SLIT3: variants seen among roughly 807,000 people sequenced by gnomAD.
The protein encoded by SLIT3 is slit guidance ligand 3.
In SLIT3, 68 loss-of-function variants were observed where a neutral mutation model predicts 184.0. The ratio of observed to expected loss-of-function variants is 0.37; its 90% CI spans 0.30 to 0.45. The LOEUF is 0.45. Among genes scored for constraint, SLIT3 ranks in the 20% least tolerant of loss-of-function variants. The pLI is 1.00. For missense variants in SLIT3, 1,707 were observed against 2,026.0 expected (o/e 0.84, Z 3.02); for synonymous variants, 831 against 828.6 (o/e 1.00, Z -0.05).
At chr5:168,748,805 C>T (rs1329252683) in intron 19 of SLIT3, among the ~76,000 whole-genome samples, 1 of 152,116 alleles carries the variant, frequency 6.6e-6, no homozygotes, top group Non-Finnish European at 1.5e-5. Flanking sequence ...ACAGTCCCTC[C>T]GGGGTGTTGA....
intron 12 of SLIT3, among the ~76,000 whole-genome samples, chr5:168,782,559 G>A (rs1756012285): frequency 6.6e-6 from 1 of 152,184 alleles, no homozygotes; most frequent in Non-Finnish European, 1.5e-5. Context: ...GGCAGGGGAA[G>A]GTAGAGGAGC....
intron 4 of SLIT3, among the ~76,000 whole-genome samples, chr5:169,104,996 G>C (rs562330306): frequency 2.0e-5 from 3 of 152,258 alleles, no homozygotes; most frequent in Admixed American, 1.3e-4. Context: ...CCTCAAGTAC[G>C]ATCACATGTA....
intron 4 of SLIT3, among the ~76,000 whole-genome samples, chr5:169,135,485 C>T (rs896367651): frequency 5.9e-5 from 9 of 152,038 alleles, no homozygotes. Flanking sequence ...CAGCTGTTAG[C>T]ACAAATACTT....
intron 4 of SLIT3, among the ~76,000 whole-genome samples, chr5:169,032,447 TAAA>T (rs1431342096): frequency 1.3e-5 from 2 of 152,078 alleles, no homozygotes; most frequent in African/African-American, 4.8e-5. Flanking sequence ...CTCAGAATTA[TAAA>T]AATAGTCATA....
At chr5:168,896,091 C>T (rs1230975221) in intron 4 of SLIT3, among the ~76,000 whole-genome samples, 1 of 152,158 alleles carries the variant, frequency 6.6e-6, no homozygotes, top group African/African-American at 2.4e-5. Flanking sequence ...CTGTTCATCC[C>T]CTATAGCCCA....
rs1761818555 is a variant in SLIT3, at chr5:168,926,224, C to A, written c.414-42888G>T. Among the ~76,000 whole-genome samples, 3 of 152,062 alleles carry A rather than the reference C, an allele frequency of 2.0e-5. No homozygotes were observed. In the South Asian group the frequency reaches 6.2e-4, roughly 32 times the overall value. On this transcript the variant is annotated intron_variant, in intron 4 of 35. Transcript: ENST00000519560. The stretch of plus-strand genomic sequence containing the variant: ...GGTTCTCAGTGATAACACTGCTTTT[C>A]TCTTGGGAGCGGTGACTTGGAATTC...
At chr5:169,083,790 C>T (rs1042324361) in intron 4 of SLIT3, among the ~76,000 whole-genome samples, 2 of 152,160 alleles carry the variant, frequency 1.3e-5, no homozygotes, top group African/African-American at 4.8e-5. Flanking sequence ...TCCCAATTCT[C>T]AGCACCCCAG....
intron 4 of SLIT3, among the ~76,000 whole-genome samples, chr5:169,057,739 G>A (rs889465059): frequency 6.6e-6 from 1 of 152,180 alleles, no homozygotes; most frequent in African/African-American, 2.4e-5. Flanking sequence ...AGACTGGGGT[G>A]AGAAAGGATG....
chr5:169,085,406 G>C (rs185701198), intron 4 of SLIT3, among the ~76,000 whole-genome samples: 257 of 152,260 alleles, frequency 1.7e-3, no homozygotes, highest in African/African-American at 5.5e-3. Flanking sequence ...AATCATTCCA[G>C]CAGTCAATTA....
chr5:168,666,678 G>A lies in SLIT3; in HGVS notation c.4348C>T (p.Leu1450=). 1 of 1,614,138 alleles carries A rather than the reference G, an allele frequency of 6.2e-7. No individual in the cohort carries two copies. The highest frequency in any genetic ancestry group is 8.5e-7 in the Non-Finnish European group (1 of 1,180,034). Residue 1450 remains leucine (L), a synonymous_variant, in exon 36 of 36, where the codon CTG becomes TTG. Coordinates refer to ENST00000519560, the MANE Select transcript of SLIT3 (RefSeq NM_003062.4). ...GEHCQQENPC[L]GQVVREVIRR... ...ATCACCTCTCGGACTACTTGTCCCAGGCACGGATTCTCTGCAGAGGGCATA... is the reference window on the plus strand; with the variant it reads ...ATCACCTCTCGGACTACTTGTCCCAAGCACGGATTCTCTGCAGAGGGCATA...
intron 4 of SLIT3, among the ~76,000 whole-genome samples, chr5:169,100,934 T>C (rs539981311): frequency 2.0e-5 from 3 of 152,344 alleles, no homozygotes; most frequent in African/African-American, 4.8e-5. Flanking sequence ...CAAAGTGTCC[T>C]TCTGTGTTTT....
chr5:169,299,261 G>A (rs1200711714), intron 1 of SLIT3, among the ~76,000 whole-genome samples: 6 of 152,210 alleles, frequency 3.9e-5, no homozygotes, highest in African/African-American at 1.4e-4. Context: ...AGAGCACCAG[G>A]AATAAGGAAG....
chr5:169,188,820 A>G (rs1481840510), intron 4 of SLIT3, among the ~76,000 whole-genome samples: 1 of 152,220 alleles, frequency 6.6e-6, no homozygotes, highest in Non-Finnish European at 1.5e-5. Flanking sequence ...TGTTACTGAT[A>G]AGAACCTGAG....
At chr5:168,673,355 A>T (rs756933289) in intron 32 of SLIT3, 24 bp from the exon 33 acceptor site, 1 of 1,612,664 alleles carries the variant, frequency 6.2e-7, no homozygotes, top group East Asian at 2.2e-5. Context: ...AAGGGGAGAA[A>T]GCCGGAGAGT....
rs569209828 is a variant in SLIT3, at chr5:169,199,182, GGA to G, written c.342-5634_342-5633del. On this transcript the variant is annotated intron_variant, in intron 3 of 35. Coordinates refer to ENST00000519560, the MANE Select transcript of SLIT3 (RefSeq NM_003062.4). Reference sequence around the variant, plus strand: ...AGGATAACAGTGCAGCTGAAGTGTAGGAGAGAGAGGTGAGGTATAATCGGCTG... The same window carrying G: ...AGGATAACAGTGCAGCTGAAGTGTAGGAGAGAGGTGAGGTATAATCGGCTG... 1.2e-4 allele frequency among the ~76,000 whole-genome samples: 18 copies of G among 152,196 alleles called. No individual in the cohort carries two copies. In the East Asian group the frequency reaches 2.1e-3, roughly 18 times the overall value.
chr5:169,194,235 A>C (rs1329149799), intron 3 of SLIT3, among the ~76,000 whole-genome samples: 8 of 15,214 alleles, frequency 5.3e-4, no homozygotes, highest in African/African-American at 3.5e-3. Context: ...CTCTGTCTCA[A>C]AAAAAAAAAA....
intron 4 of SLIT3, among the ~76,000 whole-genome samples, chr5:169,047,181 C>T (rs2113045430): frequency 6.6e-6 from 1 of 152,290 alleles, no homozygotes; most frequent in African/African-American, 2.4e-5. Flanking sequence ...CACTCACTGA[C>T]TCCTCCCTGG....
chr5:169,240,579 C>CTTTTTTTTTT (rs67955225), intron 3 of SLIT3, among the ~76,000 whole-genome samples: 17 of 114,338 alleles, frequency 1.5e-4, no homozygotes, highest in African/African-American at 3.4e-4. Context: ...CTATCATTTT[C>CTTTTTTTTTT]TTTTTTTTTT....
chr5:169,055,842 A>AG (rs1193403472), intron 4 of SLIT3, among the ~76,000 whole-genome samples: 2 of 151,940 alleles, frequency 1.3e-5, no homozygotes, highest in African/African-American at 4.8e-5. Flanking sequence ...AGGAAAAAAA[A>AG]AAAAGAAAAA....
Sources: allele counts gnomAD v4.1 joint callset (sites outside exome capture counted in the v4.1 genomes callset), GRCh38; gene constraint gnomAD v4.1.1; transcripts MANE v1.5; gene names NCBI Gene and HGNC (gene_info 2026-07-23, HGNC 2026-07-21).